The following CUL5 variants were observed in gnomAD, a reference collection of about 807,000 sequenced individuals.
CUL5 encodes the protein cullin 5.
In CUL5, 26 loss-of-function variants were observed where a neutral mutation model predicts 108.8. The ratio of observed to expected loss-of-function variants is 0.24; its 90% CI spans 0.18 to 0.33. CUL5 has a LOEUF of 0.33. Among genes scored for constraint, CUL5 ranks in the 10% least tolerant of loss-of-function variants. The probability of loss-of-function intolerance (pLI) is 1.00; values close to 1 mark genes in which losing one functional copy is unlikely to be tolerated. For missense variants in CUL5, 524 were observed against 909.2 expected, an observed-to-expected ratio of 0.58 and a Z score of 5.45; for synonymous variants, 334 against 298.0, an observed-to-expected ratio of 1.12 and a Z score of -1.25.
intron 7 of CUL5, among the ~76,000 whole-genome samples, chr11:108,068,324 G>GTT (rs1863740673): frequency 6.6e-6 from 1 of 151,116 alleles, no homozygotes; most frequent in Non-Finnish European, 1.5e-5. Context: ...TTTTTGTTTT[G>GTT]TTTTGTTTTG....
intron 3 of CUL5, 58 bp from the exon 4 acceptor site, chr11:108,049,832 T>C: frequency 3.6e-6 from 5 of 1,374,836 alleles, no homozygotes; most frequent in Non-Finnish European, 5.1e-6. Flanking sequence ...CATGAATATG[T>C]TCTTAATTTT....
rs1203828867 is a variant in CUL5 at position 108,046,441 on chromosome 11, A to G, written c.234+72A>G. On this transcript the variant is annotated intron_variant, in intron 3 of 18. Transcript: ENST00000393094. ...TAATATCATATTTTATTATTTTGAA[A>G]GTAGAACTTCTTGAAGTAATTTCAA... 5.9e-6 allele frequency: 5 copies of G among 849,644 alleles called. No individual in the cohort carries two copies. In the Admixed American group the frequency reaches 8.4e-5, roughly 14 times the overall value. The allele number at this position is 849,644 out of a possible 1,614,324, so 52.6% of individuals were successfully genotyped here. A position where few individuals can be genotyped will look rare whatever the true frequency, so the allele number is the denominator to read the frequency against.
chr11:108,009,132 T>C lies in CUL5; in HGVS notation c.-217T>C, dbSNP rs1416834622. On this transcript the variant is annotated 5_prime_UTR_variant, in exon 1 of 19. Transcript: ENST00000393094. ...GAGCGCGTGCATGAGGTCTTTCGCG[T>C]GGGGAAGCTCCGGTGACCATGTAGG... 1 of 591,548 alleles carries C rather than the reference T, an allele frequency of 1.7e-6. No homozygotes were observed. The highest frequency in any genetic ancestry group is 3.1e-6 in the Non-Finnish European group (1 of 326,686). 36.6% of individuals were successfully genotyped at this position (591,548 alleles called of 1,614,324 possible).
At chr11:108,019,673 A>G (rs917219132) in intron 1 of CUL5, among the ~76,000 whole-genome samples, 28 of 152,184 alleles carry the variant, frequency 1.8e-4, no homozygotes, top group African/African-American at 6.8e-4. Flanking sequence ...ATAAAAGTCT[A>G]GCACATATAA....
At chr11:108,012,934 TTC>T (rs1862090031) in intron 1 of CUL5, among the ~76,000 whole-genome samples, 1 of 152,170 alleles carries the variant, frequency 6.6e-6, no homozygotes, top group African/African-American at 2.4e-5. Flanking sequence ...TGCCTCAAAC[TTC>T]TGTTTCTCAC....
chr11:108,063,056 G>T (rs1241148048), intron 7 of CUL5, among the ~76,000 whole-genome samples: 1 of 152,066 alleles, frequency 6.6e-6, no homozygotes, highest in Non-Finnish European at 1.5e-5. Context: ...TGTTGGTCAG[G>T]CTGGTCTCGA....
At chr11:108,085,858 G>C (rs551914183) in intron 11 of CUL5, among the ~76,000 whole-genome samples, 1 of 152,204 alleles carries the variant, frequency 6.6e-6, no homozygotes, top group African/African-American at 2.4e-5. Flanking sequence ...TAATGAAAGT[G>C]TTCTAAAATT....
intron 11 of CUL5, 146 bp downstream of exon 11, chr11:108,078,386 T>C: frequency 2.4e-6 from 1 of 416,234 alleles, no homozygotes; most frequent in East Asian, 3.9e-5. Flanking sequence ...TTAAAGTTCA[T>C]TTATAATTTT....
chr11:108,095,746 A>G lies in CUL5; in HGVS notation c.1905+55A>G, dbSNP rs978367070. On this transcript the variant is annotated intron_variant, in intron 16 of 18. Coordinates refer to ENST00000393094, the MANE Select transcript of CUL5 (RefSeq NM_003478.6). Reference sequence around the variant, plus strand: ...TGTATCCTCTCATGTAGCAGGAAATATATGATTGGCTTGTAATATATTAGT... The same window carrying G: ...TGTATCCTCTCATGTAGCAGGAAATGTATGATTGGCTTGTAATATATTAGT... The G allele has an allele frequency of 2.8e-6, 4 of 1,422,796 alleles. No individual in the cohort carries two copies. The African/African-American group carries it at 5.7e-5, about 20-fold the overall frequency. 88.1% of individuals were successfully genotyped at this position (1,422,796 alleles called of 1,614,324 possible).
At chr11:108,030,047 AT>A (rs1862541642) in intron 1 of CUL5, among the ~76,000 whole-genome samples, 1 of 152,180 alleles carries the variant, frequency 6.6e-6, no homozygotes, top group Admixed American at 6.5e-5. Context: ...ATATTTGTTT[AT>A]TTGCACACCT....
chr11:108,044,139 C>T (rs566877245), intron 2 of CUL5, among the ~76,000 whole-genome samples: 5 of 152,086 alleles, frequency 3.3e-5, no homozygotes, highest in Non-Finnish European at 4.4e-5. Context: ...GACCAGATAC[C>T]ATTATCAAGC....
intron 7 of CUL5, among the ~76,000 whole-genome samples, chr11:108,069,567 G>T (rs1002114043): frequency 2.6e-5 from 4 of 152,062 alleles, no homozygotes; most frequent in Non-Finnish European, 5.9e-5. Flanking sequence ...GTGTGTTTGT[G>T]TATGTGTGTG....
At chr11:108,050,289 C>T (rs1863179775) in intron 4 of CUL5, among the ~76,000 whole-genome samples, 1 of 151,860 alleles carries the variant, frequency 6.6e-6, no homozygotes, top group African/African-American at 2.4e-5. Flanking sequence ...GCATCTTCAA[C>T]CATTATCTCC....
intron 7 of CUL5, among the ~76,000 whole-genome samples, chr11:108,066,145 C>T (rs572739979): frequency 3.3e-5 from 5 of 152,222 alleles, no homozygotes; most frequent in African/African-American, 4.8e-5. Flanking sequence ...TCAAGACCAT[C>T]CTGGCTAACA....
intron 16 of CUL5, among the ~76,000 whole-genome samples, chr11:108,096,064 C>G (rs1432982459): frequency 2.0e-5 from 3 of 150,592 alleles, no homozygotes; most frequent in Admixed American, 1.3e-4. Flanking sequence ...CCACTACACT[C>G]CAGCCCAGGC....
chr11:108,024,706 T>C (rs1862415139), intron 1 of CUL5, among the ~76,000 whole-genome samples: 2 of 152,214 alleles, frequency 1.3e-5, no homozygotes, highest in Admixed American at 6.5e-5. Flanking sequence ...AAGAAGTCTT[T>C]TGTACAACAG....
At chr11:108,014,836 G>A (rs1287462792) in intron 1 of CUL5, among the ~76,000 whole-genome samples, 3 of 152,140 alleles carry the variant, frequency 2.0e-5, no homozygotes, top group Admixed American at 6.5e-5. Context: ...GTTGTGATAG[G>A]TACTATGAAT....
chr11:108,070,023 T>G, intron 7 of CUL5, 73 bp from the exon 8 acceptor site: 1 of 939,014 alleles, frequency 1.1e-6, no homozygotes, highest in Non-Finnish European at 1.6e-6. Flanking sequence ...CAATATTGTT[T>G]TATTTTGTGA....
chr11:108,098,353 G>A, intron 17 of CUL5, 53 bp from the exon 18 acceptor site: 1 of 1,488,672 alleles, frequency 6.7e-7, no homozygotes, highest in Non-Finnish European at 9.1e-7. Context: ...TGCTATAATA[G>A]GATTTTTAAA....
Sources: gnomAD v4.1 joint callset for allele counts (sites outside exome capture counted in the v4.1 genomes callset) on GRCh38, gnomAD v4.1.1 for gene constraint, MANE v1.5 for transcripts, NCBI Gene and HGNC (gene_info 2026-07-23, HGNC 2026-07-21) for gene names.